FUT8: variants seen among roughly 807,000 people sequenced by gnomAD.
FUT8 encodes the protein fucosyltransferase 8.
A neutral mutation model predicts 71.3 loss-of-function variants in FUT8; 29 were observed. The observed-to-expected ratio is 0.41, with a 90% CI of 0.30 to 0.55. The LOEUF (loss-of-function observed/expected upper bound fraction) is 0.55, where lower values mean the gene tolerates loss of function less well. Ranked by LOEUF, FUT8 falls within the 20% of genes least tolerant of loss-of-function variation. The pLI is 0.34. For missense variants in FUT8, 544 were observed against 702.1 expected (o/e 0.77, Z 2.55); for synonymous variants, 254 against 239.3 (o/e 1.06, Z -0.57).
intron 7 of FUT8, among the ~76,000 whole-genome samples, chr14:65,698,151 G>A (rs80003245): frequency 0.034 from 5,143 of 151,966 alleles, 136 homozygotes; most frequent in Middle Eastern, 0.099. Context: ...CTGAATGGAG[G>A]GACAGACATT....
At position 65,607,395 on chromosome 14, in the gene FUT8, T is replaced by C. The variant is rs1888641893; in HGVS notation, c.204-8583T>C. Among the ~76,000 whole-genome samples, 1 of 151,984 alleles carries C rather than the reference T, an allele frequency of 6.6e-6. No homozygotes were observed. On this transcript the variant is annotated intron_variant, in intron 3 of 10. Coordinates refer to ENST00000673929, the MANE Select transcript of FUT8 (RefSeq NM_001371533.1). The surrounding 1 kb of genome is among the most constrained non-coding windows in gnomAD (Gnocchi z 4.1). Reference sequence around the variant, plus strand: ...ATTCATTCTTTCTTGTTAAGGTGTTTATAATGAATAAGTATTAAATTTTAT... The same window carrying C: ...ATTCATTCTTTCTTGTTAAGGTGTTCATAATGAATAAGTATTAAATTTTAT...
chr14:65,390,877 C>T, the FUT8 span, among the ~76,000 whole-genome samples: 1 of 152,076 alleles, frequency 6.6e-6, no homozygotes, highest in African/African-American at 2.4e-5. Context: ...GCACACGCCA[C>T]ATTAGCACCT....
chr14:65,546,517 T>TA (rs1477556713), intron 2 of FUT8, among the ~76,000 whole-genome samples: 3 of 151,830 alleles, frequency 2.0e-5, no homozygotes, highest in Non-Finnish European at 4.4e-5. Flanking sequence ...TTTAAACTGA[T>TA]GAACAGTTTT....
At chr14:65,400,094 C>A in the FUT8 span, among the ~76,000 whole-genome samples, 1 of 152,122 alleles carries the variant, frequency 6.6e-6, no homozygotes. Flanking sequence ...GTGAATAGAA[C>A]ATTGGGTTTA....
chr14:65,641,679 T>A (rs761647280), intron 6 of FUT8, among the ~76,000 whole-genome samples: 5 of 152,096 alleles, frequency 3.3e-5, no homozygotes, highest in Non-Finnish European at 7.4e-5. Context: ...ACACTTTGTA[T>A]GGTTATCTTT....
At chr14:65,730,508 C>T (rs1463500342) in intron 9 of FUT8, among the ~76,000 whole-genome samples, 1 of 152,138 alleles carries the variant, frequency 6.6e-6, no homozygotes, top group Non-Finnish European at 1.5e-5. Flanking sequence ...CCTGTCTCTA[C>T]TAAAAATACA....
At chr14:65,482,009 TTATC>T (rs572583276) in intron 2 of FUT8, among the ~76,000 whole-genome samples, 39 of 152,310 alleles carry the variant, frequency 2.6e-4, no homozygotes, top group African/African-American at 7.7e-4. Context: ...TGGATTGTGT[TTATC>T]TATCAGTTTG....
intron 5 of FUT8, among the ~76,000 whole-genome samples, chr14:65,619,838 A>G (rs1332936041): frequency 6.6e-6 from 1 of 152,224 alleles, no homozygotes; most frequent in Non-Finnish European, 1.5e-5. Flanking sequence ...ATCATTGATC[A>G]TGAATTGACC....
chr14:65,657,481 C>T (rs1352852539), intron 6 of FUT8, among the ~76,000 whole-genome samples: 1 of 152,080 alleles, frequency 6.6e-6, no homozygotes, highest in Non-Finnish European at 1.5e-5. Flanking sequence ...CAATGGAGTA[C>T]TATCCAGCCA....
the FUT8 span, among the ~76,000 whole-genome samples, chr14:65,392,935 C>T: frequency 5.2e-4 from 79 of 152,214 alleles, no homozygotes; most frequent in East Asian, 0.012. Context: ...ATACCTGGGG[C>T]GTACTGAAAA....
chr14:65,412,097 G>C (rs756538977), upstream of FUT8: 1 of 456,378 alleles, frequency 2.2e-6, no homozygotes, highest in African/African-American at 2.0e-5. Context: ...GCCGCGGGTC[G>C]GGAGAGGCCG....
chr14:65,410,730 G>T (rs761481484), upstream of FUT8: 2 of 151,924 alleles, frequency 1.3e-5, no homozygotes, highest in African/African-American at 2.4e-5. Flanking sequence ...ATTATACAGT[G>T]TAAACTATCA....
At chr14:65,577,164 T>C (rs1886836727) in intron 3 of FUT8, among the ~76,000 whole-genome samples, 1 of 152,154 alleles carries the variant, frequency 6.6e-6, no homozygotes, top group Non-Finnish European at 1.5e-5. Context: ...TATAAATCTT[T>C]ATAAGCTTAC....
chr14:65,445,163 G>A (rs759147366), intron 1 of FUT8, among the ~76,000 whole-genome samples: 2 of 152,022 alleles, frequency 1.3e-5, no homozygotes, highest in Non-Finnish European at 2.9e-5. Context: ...CCGAGATCAC[G>A]CCACTGCACT....
In FUT8 at chr14:65,742,495, G is replaced by GCT; in HGVS notation, c.*88_*89dup. 1 of 1,153,818 alleles carries GCT rather than the reference G, an allele frequency of 8.7e-7. No homozygotes were observed. Among genetic ancestry groups the GCT allele is most frequent in the Non-Finnish European group, 1.2e-6 (1 of 816,622 alleles). The allele number at this position is 1,153,818 out of a possible 1,614,324, so 71.5% of individuals were successfully genotyped here. On this transcript the variant is annotated 3_prime_UTR_variant, in exon 11 of 11. Transcript: ENST00000673929. ...TTCAGCCAAACTGTAGATGAAGAGG[G>GCT]CTCTGATCTAACAAAATAAGGTTAT...
Position 65,625,392 on chromosome 14 carries a change from A to T in FUT8, c.483-4100A>T, listed in dbSNP as rs1022859328. Among the ~76,000 whole-genome samples, 2 of 152,322 alleles carry T rather than the reference A, an allele frequency of 1.3e-5. 1 individual carries two copies. The highest frequency in any genetic ancestry group is 4.8e-5 in the African/African-American group (2 of 41,576). On this transcript the variant is annotated intron_variant, in intron 5 of 10. Coordinates refer to ENST00000673929, the MANE Select transcript of FUT8 (RefSeq NM_001371533.1). ...TATAAAAAAATACTGTAGTCTACATAATAGTCCATAGAGGACTCAGTTTTA... is the reference window on the plus strand; with the variant it reads ...TATAAAAAAATACTGTAGTCTACATTATAGTCCATAGAGGACTCAGTTTTA...
In FUT8 at chr14:65,603,872, A is replaced by G. The variant is rs1888435305; in HGVS notation, c.204-12106A>G. On this transcript the variant is annotated intron_variant, in intron 3 of 10. Transcript: ENST00000673929. The surrounding 1 kb of genome is among the most constrained non-coding windows in gnomAD (Gnocchi z 4.5). Reference sequence around the variant, plus strand: ...AGCATCTGCTGCCTTCACCTAAAACATAAGGATTGACATAAACTTAAGGTA... The same window carrying G: ...AGCATCTGCTGCCTTCACCTAAAACGTAAGGATTGACATAAACTTAAGGTA... Among the ~76,000 whole-genome samples, 1 of 151,848 alleles carries G rather than the reference A, an allele frequency of 6.6e-6. No homozygotes were observed. The highest frequency in any genetic ancestry group is 6.6e-5 in the Admixed American group (1 of 15,186).
chr14:65,718,140 C>T (rs1444847903), intron 7 of FUT8, among the ~76,000 whole-genome samples: 1 of 151,936 alleles, frequency 6.6e-6, no homozygotes, highest in Non-Finnish European at 1.5e-5. Context: ...GTCTTCTCTT[C>T]CTTCTTTCCT....
intron 1 of FUT8, among the ~76,000 whole-genome samples, chr14:65,428,889 A>C (rs1393089105): frequency 6.6e-6 from 1 of 152,224 alleles, no homozygotes; most frequent in Non-Finnish European, 1.5e-5. Context: ...GCCAAGCTGC[A>C]CTCAAGGTAG....
Sources: gnomAD v4.1 joint callset for allele counts (sites outside exome capture counted in the v4.1 genomes callset) on GRCh38, gnomAD v4.1.1 for gene constraint, Gnocchi (gnomAD v3.1) non-coding constraint, MANE v1.5 for transcripts, NCBI Gene and HGNC (gene_info 2026-07-23, HGNC 2026-07-21) for gene names.